The following XRN1 variants were observed in gnomAD, a reference collection of about 807,000 sequenced individuals.
The protein encoded by XRN1 is strand-exchange protein 1 homolog.
In XRN1, 67 loss-of-function variants were observed where a neutral mutation model predicts 222.3. That is an observed-to-expected ratio of 0.30 (90% confidence interval 0.25 to 0.37). The LOEUF (loss-of-function observed/expected upper bound fraction) is 0.37. Ranked by LOEUF, XRN1 falls within the 10% of genes least tolerant of loss-of-function variation. The pLI, the probability that XRN1 is intolerant of heterozygous loss-of-function variation, is 1.00. For synonymous variants in XRN1, 643 were observed against 652.4 expected, an observed-to-expected ratio of 0.99 and a Z score of 0.22; for missense variants, 1,707 against 2,000.2, an observed-to-expected ratio of 0.85 and a Z score of 2.80.
At chr3:142,429,623 G>C (rs2069434160) in intron 2 of XRN1, 1 of 152,192 alleles carries the variant, frequency 6.6e-6, no homozygotes, top group Non-Finnish European at 1.5e-5. Flanking sequence ...TACCAGCACA[G>C]TATTTAATAA....
At position 142,411,461 on chromosome 3, in the gene XRN1, A is replaced by G. The variant is rs1304113777; in HGVS notation, c.1713+1083T>C. 3.9e-5 allele frequency among the ~76,000 whole-genome samples: 6 copies of G among 152,202 alleles called. No homozygotes were observed. In the East Asian group the frequency reaches 1.2e-3, roughly 29 times the overall value. On this transcript the variant is annotated intron_variant, in intron 15 of 40. Transcript: ENST00000392981. ...TAAACCTTTTTCTTGTTTAGCGTCTAGAACCTTAAATTTCCTTTTAAGCCC... is the reference window on the plus strand; with the variant it reads ...TAAACCTTTTTCTTGTTTAGCGTCTGGAACCTTAAATTTCCTTTTAAGCCC...
chr3:142,345,726 TA>T (rs2066127639), intron 33 of XRN1, among the ~76,000 whole-genome samples: 1 of 152,070 alleles, frequency 6.6e-6, no homozygotes, highest in Non-Finnish European at 1.5e-5. Context: ...AAAATCCAAT[TA>T]AAAAATGAAC....
At chr3:142,402,849 T>C (rs1205331082) in intron 18 of XRN1, among the ~76,000 whole-genome samples, 2 of 152,194 alleles carry the variant, frequency 1.3e-5, no homozygotes, top group Non-Finnish European at 2.9e-5. Context: ...TTACTATTAA[T>C]AGTTTCTCTT....
intron 30 of XRN1, among the ~76,000 whole-genome samples, chr3:142,357,848 A>C (rs2066505703): frequency 6.6e-6 from 1 of 152,032 alleles, no homozygotes; most frequent in African/African-American, 2.4e-5. Flanking sequence ...CCAGCCTGGC[A>C]AACATGTTGA....
In XRN1 at chr3:142,447,797, C is replaced by A; in HGVS notation, c.75+73G>T. On this transcript the variant is annotated intron_variant, in intron 1 of 40. Coordinates refer to ENST00000392981, the MANE Select transcript of XRN1 (RefSeq NM_001282857.2). The surrounding 1 kb of genome is among the most constrained non-coding windows in gnomAD (Gnocchi z 4.2). ...GGGGAAAGAGGTGGCTCGAAAGCCC[C>A]AGCTCTAAGGTGGAGAGGGCCGCGG... 6.5e-7 allele frequency: 1 copy of A among 1,549,578 alleles called. No individual in the cohort carries two copies.
chr3:142,433,731 T>A (rs1238409021), intron 1 of XRN1, among the ~76,000 whole-genome samples: 1 of 152,220 alleles, frequency 6.6e-6, no homozygotes, highest in Non-Finnish European at 1.5e-5. Flanking sequence ...AATCTTAGAA[T>A]AGAGTCTGCC....
In XRN1 at chr3:142,370,974, C is replaced by CA. The variant is rs535791408; in HGVS notation, c.3068+264dup. On this transcript the variant is annotated intron_variant, in intron 26 of 40. Coordinates refer to ENST00000392981, the MANE Select transcript of XRN1 (RefSeq NM_001282857.2). ...AGGAGCATGGCCTGAGCCTAGGAGT[C>CA]AAAAAAAAAAATTAGTCAAATGTGG... Among the ~76,000 whole-genome samples the CA allele has an allele frequency of 3.0e-3, 436 of 145,420 alleles. 3 individuals carry two copies. The highest frequency in any genetic ancestry group is 0.027 in the South Asian group (123 of 4,628).
chr3:142,332,845 A>G (rs1168669579), intron 35 of XRN1, 122 bp downstream of exon 35: 1 of 1,409,448 alleles, frequency 7.1e-7, no homozygotes, highest in Non-Finnish European at 9.5e-7. Flanking sequence ...TCACAAGATG[A>G]CAATAATGAT....
rs771597895 is a variant in XRN1, at chr3:142,447,685, C to G, written c.75+185G>C. 6.6e-6 allele frequency among the ~76,000 whole-genome samples: 1 copy of G among 152,208 alleles called. No individual in the cohort carries two copies. Among genetic ancestry groups the G allele is most frequent in the African/African-American group, 2.4e-5 (1 of 41,466 alleles). On this transcript the variant is annotated intron_variant, in intron 1 of 40. Transcript: ENST00000392981. This position sits in a 1 kb window ranked among gnomAD's most constrained non-coding sequence, Gnocchi z 4.2. ...AGCGGCTCTGTCCACACACAGGCAA[C>G]CTGCGTCCTTAGCCCCTTTCGGCTC...
In XRN1 at chr3:142,334,767, T is replaced by C. The variant is rs539436600; in HGVS notation, c.3939+681A>G. On this transcript the variant is annotated intron_variant, in intron 34 of 40. Transcript: ENST00000392981. ...GTGTGTGTATATATATGTCTATGTA[T>C]ACACACACACACACACACACACACA... is the stretch of plus-strand genomic sequence containing the variant. Among the ~76,000 whole-genome samples the C allele has an allele frequency of 6.4e-3, 582 of 90,400 alleles. 4 individuals carry two copies. The highest frequency in any genetic ancestry group is 0.017 in the African/African-American group (484 of 28,564). The allele number at this position is 90,400 out of a possible 152,430, so 59.3% of individuals were successfully genotyped here.
chr3:142,443,833 C>T (rs569080421), intron 1 of XRN1, among the ~76,000 whole-genome samples: 37 of 152,310 alleles, frequency 2.4e-4, no homozygotes, highest in African/African-American at 8.2e-4. Flanking sequence ...GCAACCTAAG[C>T]GTCCATCAAC....
chr3:142,348,763 T>C (rs1411514046), intron 32 of XRN1, among the ~76,000 whole-genome samples: 1 of 152,260 alleles, frequency 6.6e-6, no homozygotes, highest in Non-Finnish European at 1.5e-5. Context: ...TGAGATCACA[T>C]GGACAGAAAC....
chr3:142,400,889 C>G (rs1279578719), intron 18 of XRN1, among the ~76,000 whole-genome samples: 1 of 151,774 alleles, frequency 6.6e-6, no homozygotes, highest in Non-Finnish European at 1.5e-5. Context: ...TGCACTCCAG[C>G]CTAGGCAACA....
At chr3:142,356,308 T>C (rs1282795564) in intron 31 of XRN1, among the ~76,000 whole-genome samples, 3 of 152,218 alleles carry the variant, frequency 2.0e-5, no homozygotes, top group African/African-American at 2.4e-5. Context: ...GGACTTTTGC[T>C]TGTGTTTCCT....
In XRN1 at chr3:142,318,770, A is replaced by G. The variant is rs747455070; in HGVS notation, c.4518+20T>C. The G allele has an allele frequency of 4.3e-6, 7 of 1,612,778 alleles. No homozygotes were observed. The highest frequency in any genetic ancestry group is 1.1e-5 in the South Asian group (1 of 91,002). ...GGGACTAATAAAAATTTTAATAGAG[A>G]AGTCATGGACAGTTCTTACCAACTG... is the stretch of plus-strand genomic sequence containing the variant. On this transcript the variant is annotated intron_variant, in intron 38 of 40. Transcript: ENST00000392981.
chr3:142,428,044 A>G (rs959486775), intron 2 of XRN1, among the ~76,000 whole-genome samples: 1 of 152,156 alleles, frequency 6.6e-6, no homozygotes, highest in African/African-American at 2.4e-5. Context: ...TCTTTGGCTG[A>G]CCAAACGATT....
Position 142,357,076 on chromosome 3 carries a change from C to G in XRN1, c.3508G>C (p.Val1170Leu). ...RGYRLPTSALVNLSHGSRSET... is the reference protein window; with the variant it reads ...RGYRLPTSALLNLSHGSRSET... ...GAGCGACTCCCATGAGAAAGGTTCA[C>G]CAAGGCACTTGTTGGCAGTCGATAA... Residue 1170 changes from valine (V) to leucine (L), a missense_variant, in exon 31 of 41, where the codon GTG becomes CTG. By Grantham distance (32) the Val-to-Leu change is conservative (BLOSUM62 1). Transcript: ENST00000392981. The G allele has an allele frequency of 1.2e-6, 2 of 1,613,666 alleles. No individual in the cohort carries two copies. The highest frequency in any genetic ancestry group is 1.7e-6 in the Non-Finnish European group (2 of 1,179,862).
intron 19 of XRN1, 55 bp from the exon 20 acceptor site, chr3:142,397,515 T>C: frequency 2.9e-6 from 4 of 1,402,028 alleles, no homozygotes; most frequent in Non-Finnish European, 3.8e-6. Context: ...TAATATAGAG[T>C]TCTAGCAGTG....
At chr3:142,432,198 T>TATATATATAATTAA (rs1559880641) in intron 2 of XRN1, among the ~76,000 whole-genome samples, 5 of 106,824 alleles carry the variant, frequency 4.7e-5, no homozygotes, top group African/African-American at 1.6e-4. Flanking sequence ...TAAAATTTAT[T>TATATATATAATTAA]TTATATATAA....
Sources: allele counts gnomAD v4.1 joint callset (sites outside exome capture counted in the v4.1 genomes callset), GRCh38; gene constraint gnomAD v4.1.1; non-coding constraint Gnocchi (gnomAD v3.1); transcripts MANE v1.5; gene names NCBI Gene and HGNC (gene_info 2026-07-23, HGNC 2026-07-21).